Variants in OR56A3 observed in about 807,000 individuals in gnomAD.
OR56A3 encodes the protein olfactory receptor 56A3.
A neutral mutation model predicts 17.5 loss-of-function variants in OR56A3; 23 were observed. The ratio of observed to expected loss-of-function variants is 1.32; its 90% CI spans 0.95 to 1.87. OR56A3 has a LOEUF of 1.87. Ranked by LOEUF, OR56A3 falls within the 40% of genes most tolerant of loss-of-function variation. The pLI is 0.00. For synonymous variants in OR56A3, 175 were observed against 150.6 expected (o/e 1.16, Z -1.19); for missense variants, 366 against 380.1 (o/e 0.96, Z 0.31).
the OR56A3 span, among the ~76,000 whole-genome samples, chr11:5,989,208 T>G: frequency 2.0e-4 from 31 of 152,306 alleles, no homozygotes; most frequent in African/African-American, 6.0e-4. Context: ...ACATTCCACA[T>G]AGAGAGAAAG....
the OR56A3 span, among the ~76,000 whole-genome samples, chr11:5,971,859 G>C: frequency 8.7e-3 from 1,322 of 152,176 alleles, 15 homozygotes; most frequent in African/African-American, 0.031. Flanking sequence ...AAGTACCCAG[G>C]ATAAAGAAGA....
chr11:5,952,760 G>A (rs369272204), downstream of OR56A3, among the ~76,000 whole-genome samples: 39 of 152,272 alleles, frequency 2.6e-4, no homozygotes, highest in African/African-American at 8.9e-4. Context: ...CCCAGATCCT[G>A]AGCACAGTGC....
chr11:5,981,734 C>T, the OR56A3 span, among the ~76,000 whole-genome samples: 1 of 152,158 alleles, frequency 6.6e-6, no homozygotes, highest in Admixed American at 6.5e-5. Context: ...AGAAGATACC[C>T]TGTCTTTTTG....
the OR56A3 span, among the ~76,000 whole-genome samples, chr11:6,018,024 TTA>T: frequency 3.0e-5 from 3 of 98,764 alleles, no homozygotes; most frequent in African/African-American, 1.2e-4. Context: ...AATATAACAA[TTA>T]TGTGTGTGTG....
the OR56A3 span, chr11:5,986,063 C>T: frequency 6.2e-7 from 1 of 1,613,938 alleles, no homozygotes; most frequent in Admixed American, 1.7e-5. Context: ...AGAACATGGA[C>T]ATGATGGGGT....
At chr11:6,004,680 C>A in the OR56A3 span, among the ~76,000 whole-genome samples, 6 of 152,108 alleles carry the variant, frequency 3.9e-5, no homozygotes, top group African/African-American at 1.2e-4. Context: ...ATCAGTTCTG[C>A]CCTGCATTTC....
chr11:5,963,444 A>T, the OR56A3 span, among the ~76,000 whole-genome samples: 1 of 151,982 alleles, frequency 6.6e-6, no homozygotes, highest in African/African-American at 2.4e-5. Flanking sequence ...TTTGCTAGGT[A>T]TAGTATTCCT....
chr11:5,967,908 G>T, the OR56A3 span: 28 of 1,592,066 alleles, frequency 1.8e-5, no homozygotes, highest in East Asian at 6.3e-4. Flanking sequence ...CTGATTCAAG[G>T]TGATGTCATC....
the OR56A3 span, among the ~76,000 whole-genome samples, chr11:6,008,743 T>C: frequency 6.6e-6 from 1 of 152,142 alleles, no homozygotes; most frequent in Non-Finnish European, 1.5e-5. Flanking sequence ...AGCCCTATAC[T>C]ACATGTTATA....
In OR56A3 at chr11:5,947,374, T is replaced by C. The variant is rs755967560; in HGVS notation, c.28T>C (p.Ser10Pro). The C allele has an allele frequency of 6.2e-7, 1 of 1,609,288 alleles. No homozygotes were observed. The highest frequency in any genetic ancestry group is 8.5e-7 in the Non-Finnish European group (1 of 1,176,722). ...GACAACACACCGAAATGACACCCTC[T>C]CCACTGAAGCTTCAGACTTCCTCTT... MTTHRNDTLSTEASDFLLNC... is the reference protein window; with the variant it reads MTTHRNDTLPTEASDFLLNC... The change falls in exon 3 of 3, where the codon TCC (serine) becomes CCC (proline). Residue 10 changes from serine (S) to proline (P), a missense_variant. Coordinates refer to ENST00000641160, the MANE Select transcript of OR56A3 (RefSeq NM_001003443.3).
the OR56A3 span, chr11:5,968,323 G>C: frequency 6.2e-7 from 1 of 1,613,130 alleles, no homozygotes; most frequent in Non-Finnish European, 8.5e-7. Flanking sequence ...GGCTGGTGCA[G>C]AGAGGCTTCC....
At chr11:5,994,310 C>A in the OR56A3 span, 11 of 655,558 alleles carry the variant, frequency 1.7e-5, no homozygotes, top group East Asian at 3.6e-4. Context: ...CCGACCTTGG[C>A]GGACTGCATG....
the OR56A3 span, among the ~76,000 whole-genome samples, chr11:5,975,678 G>A: frequency 6.6e-6 from 1 of 151,966 alleles, no homozygotes; most frequent in Non-Finnish European, 1.5e-5. Flanking sequence ...ACGTGTGCAT[G>A]TGTCTTTATA....
the OR56A3 span, chr11:5,999,804 G>A: frequency 6.6e-6 from 1 of 152,168 alleles, no homozygotes; most frequent in East Asian, 1.9e-4. Flanking sequence ...TTTTAAAGAT[G>A]AATAAAATAC....
At chr11:5,945,551 C>T (rs1296406568) in intron 2 of OR56A3, among the ~76,000 whole-genome samples, 1 of 142,726 alleles carries the variant, frequency 7.0e-6, no homozygotes, top group East Asian at 2.1e-4. Context: ...CATTGCACTC[C>T]AGTCTGGCAA....
the OR56A3 span, among the ~76,000 whole-genome samples, chr11:5,969,886 G>T: frequency 7.2e-5 from 11 of 151,862 alleles, no homozygotes; most frequent in East Asian, 1.6e-3. Flanking sequence ...AGAAAAATGG[G>T]CATATTTTAG....
the OR56A3 span, chr11:6,020,405 A>G: frequency 6.6e-6 from 1 of 152,054 alleles, no homozygotes; most frequent in Admixed American, 6.6e-5. Flanking sequence ...TGGGCAGTGT[A>G]GTGATTTTAA....
Position 5,947,515 on chromosome 11 carries a change from G to A in OR56A3, c.169G>A (p.Ala57Thr). The change falls in exon 3 of 3, where the codon GCC becomes ACC. Residue 57 changes from alanine to threonine, a missense_variant. Coordinates refer to ENST00000641160, the MANE Select transcript of OR56A3 (RefSeq NM_001003443.3). ...CCTCCTGATGACCATCTGGCTGGAGGCCTCTCTGCACCAGCCCCTGTACTA... is the reference window on the plus strand; with the variant it reads ...CCTCCTGATGACCATCTGGCTGGAGACCTCTCTGCACCAGCCCCTGTACTA... ...TTLLMTIWLE[A>T]SLHQPLYYLL... is the part of the protein sequence containing the mutation. The A allele has an allele frequency of 6.2e-7, 1 of 1,613,936 alleles. No individual in the cohort carries two copies. The highest frequency in any genetic ancestry group is 1.1e-5 in the South Asian group (1 of 91,056).
chr11:5,951,393 G>A (rs1465603522), downstream of OR56A3: 1 of 151,770 alleles, frequency 6.6e-6, no homozygotes, highest in Admixed American at 6.6e-5. Flanking sequence ...ACTATTTTTT[G>A]CTGTGTTCTT....
Sources: gnomAD v4.1 joint callset for allele counts (sites outside exome capture counted in the v4.1 genomes callset) on GRCh38, gnomAD v4.1.1 for gene constraint, MANE v1.5 for transcripts, NCBI Gene and HGNC (gene_info 2026-07-23, HGNC 2026-07-21) for gene names.